NIBAN3: variants seen among roughly 807,000 people sequenced by gnomAD.
NIBAN3 encodes niban apoptosis regulator 3.
NIBAN3 carries 66 observed loss-of-function variants against 76.4 expected under a neutral mutation model. The ratio of observed to expected loss-of-function variants is 0.86; its 90% CI spans 0.71 to 1.06. The LOEUF (loss-of-function observed/expected upper bound fraction) is 1.06. NIBAN3 is among the 50% of genes least tolerant of loss of function. The probability of loss-of-function intolerance (pLI) is 0.00; values close to 1 mark genes in which losing one functional copy is unlikely to be tolerated. For missense variants in NIBAN3, 808 were observed against 810.7 expected, an observed-to-expected ratio of 1.00 and a Z score of 0.04; for synonymous variants, 360 against 355.2, an observed-to-expected ratio of 1.01 and a Z score of -0.15.
At chr19:17,537,885 G>A (rs2075853721) in intron 5 of NIBAN3, among the ~76,000 whole-genome samples, 1 of 151,722 alleles carries the variant, frequency 6.6e-6, no homozygotes, top group African/African-American at 2.4e-5. Context: ...GGTGGAGGTT[G>A]CAGTGAGCCA....
intron 14 of NIBAN3, among the ~76,000 whole-genome samples, chr19:17,551,308 T>C (rs963993254): frequency 1.3e-5 from 2 of 151,510 alleles, no homozygotes; most frequent in African/African-American, 4.9e-5. Flanking sequence ...TCGGCCAGGC[T>C]GATTTTGAAC....
chr19:17,547,119 G>A (rs978501799), intron 13 of NIBAN3, among the ~76,000 whole-genome samples: 1 of 151,876 alleles, frequency 6.6e-6, no homozygotes, highest in Admixed American at 6.6e-5. Context: ...TTGGAAGGCT[G>A]AGGTGGGCAG....
intron 13 of NIBAN3, among the ~76,000 whole-genome samples, chr19:17,547,425 G>T (rs1377846327): frequency 8.5e-6 from 1 of 117,324 alleles, no homozygotes; most frequent in Admixed American, 1.1e-4. Context: ...AACGATCTTG[G>T]CTCACTGCAA....
Position 17,533,705 on chromosome 19 carries a change from A to G in NIBAN3, c.427+4A>G. 1 of 1,609,264 alleles carries G rather than the reference A, an allele frequency of 6.2e-7. No homozygotes were observed. Among genetic ancestry groups the G allele is most frequent in the Non-Finnish European group, 8.5e-7 (1 of 1,176,086 alleles). On this transcript the variant is annotated splice_donor_region_variant and intron_variant, in intron 4 of 14. Coordinates refer to ENST00000599164, the MANE Select transcript of NIBAN3 (RefSeq NM_001321827.2). Reference sequence around the variant, plus strand: ...GCTCTCTGCCCTGAATCCTTGGGTAAGGGTCCCGGGGTTCCCAGGAACAGG... The same window carrying G: ...GCTCTCTGCCCTGAATCCTTGGGTAGGGGTCCCGGGGTTCCCAGGAACAGG...
intron 14 of NIBAN3, among the ~76,000 whole-genome samples, chr19:17,550,447 G>C (rs1055225282): frequency 2.6e-5 from 4 of 152,082 alleles, no homozygotes; most frequent in African/African-American, 9.7e-5. Flanking sequence ...TAGGTGGATT[G>C]CTTGAGCCTG....
chr19:17,526,045 C>T (rs1469463486), upstream of NIBAN3, among the ~76,000 whole-genome samples: 2 of 149,536 alleles, frequency 1.3e-5, no homozygotes, highest in Admixed American at 6.7e-5. Flanking sequence ...CAGAGTGAGA[C>T]ACCGTTTAAA....
At chr19:17,546,961 G>T (rs2076066909) in intron 13 of NIBAN3, among the ~76,000 whole-genome samples, 164 bp downstream of exon 13, 1 of 152,194 alleles carries the variant, frequency 6.6e-6, no homozygotes, top group South Asian at 2.1e-4. Flanking sequence ...GCTCAGAGGG[G>T]CAGGGATGGA....
Position 17,539,167 on chromosome 19 carries a change from G to C in NIBAN3, c.613G>C (p.Ala205Pro). The C allele has an allele frequency of 6.3e-7, 1 of 1,596,516 alleles. No individual in the cohort carries two copies. Residue 205 changes from alanine to proline, a missense_variant, in exon 6 of 15, where the codon GCC becomes CCC. Physicochemically the swap from Ala to Pro is conservative, Grantham distance 27. Coordinates refer to ENST00000599164, the MANE Select transcript of NIBAN3 (RefSeq NM_001321827.2). ...LQGIVLQRSQ[A>P]PAARAFLDAV... Reference sequence around the variant, plus strand: ...CCTCTCAGTCCTGCAGCGAAGCCAGGCCCCTGCTGCCCGGGCCTTCCTGGA... The same window carrying C: ...CCTCTCAGTCCTGCAGCGAAGCCAGCCCCCTGCTGCCCGGGCCTTCCTGGA...
rs2075903724 is a variant in NIBAN3, at chr19:17,539,731, G to A, written c.945G>A (p.Leu315=). 1.3e-6 allele frequency: 2 copies of A among 1,541,150 alleles called. No individual in the cohort carries two copies. The highest frequency in any genetic ancestry group is 2.7e-5 in the African/African-American group (2 of 73,210). The change falls in exon 8 of 15, where the codon CTG becomes CTA. Residue 315 remains leucine (L), a synonymous_variant. Coordinates refer to ENST00000599164, the MANE Select transcript of NIBAN3 (RefSeq NM_001321827.2). ...TCCGCCCGGACGTGGACCAGCTGCT[G>A]CGGCAGCGGGCGCGTGTGGCGGGGC... ...KTIRPDVDQL[L]RQRARVAGRL...
In NIBAN3 at chr19:17,542,351, C is replaced by T. The variant is rs908129439; in HGVS notation, c.1329+57C>T. ...GGCTGTGAAGACAGCCTCCACTGAC[C>T]TCCTGCTAAGTGTGCCCTGGAGAGA... On this transcript the variant is annotated intron_variant, in intron 10 of 14. Coordinates refer to ENST00000599164, the MANE Select transcript of NIBAN3 (RefSeq NM_001321827.2). The surrounding 1 kb of genome is among the most constrained non-coding windows in gnomAD (Gnocchi z 4.8). The T allele has an allele frequency of 4.6e-6, 7 of 1,526,298 alleles. No individual in the cohort carries two copies. Among genetic ancestry groups the T allele is most frequent in the East Asian group, 2.3e-5 (1 of 44,332 alleles). The allele number at this position is 1,526,298 out of a possible 1,614,324, so 94.5% of individuals were successfully genotyped here.
intron 5 of NIBAN3, among the ~76,000 whole-genome samples, chr19:17,538,750 A>G (rs8109021): frequency 1.3e-5 from 1 of 75,048 alleles, no homozygotes; most frequent in Admixed American, 1.9e-4. Flanking sequence ...AAGAAAGAGA[A>G]AGAAAGAAAG....
upstream of NIBAN3, among the ~76,000 whole-genome samples, chr19:17,525,818 C>T (rs539259177): frequency 1.3e-5 from 2 of 151,936 alleles, no homozygotes; most frequent in South Asian, 4.2e-4. Context: ...GGGACACCTT[C>T]GCTGGGTGAC....
rs1307812356 is a variant in NIBAN3 at position 17,537,540 on chromosome 19, A to T, written c.592A>T (p.Ile198Leu). Residue 198 changes from isoleucine to leucine, a missense_variant, in exon 5 of 15, where the codon ATA becomes TTA. Physicochemically the swap from Ile to Leu is conservative, Grantham distance 5. Transcript: ENST00000599164. The stretch of plus-strand genomic sequence containing the variant: ...GCAGGGTGGCATCCGGCTTCAGGGC[A>T]TAGGTGGGTCTCAGGACGGGTCAGA... Reference protein sequence around the residue: ...ALQGGIRLQGIVLQRSQAPAA... With the variant: ...ALQGGIRLQGLVLQRSQAPAA... 6.3e-6 allele frequency: 10 copies of T among 1,593,882 alleles called. No homozygotes were observed. The East Asian group carries it at 2.2e-4, about 36-fold the overall frequency.
At chr19:17,550,978 C>T (rs944525127) in intron 14 of NIBAN3, among the ~76,000 whole-genome samples, 1 of 151,492 alleles carries the variant, frequency 6.6e-6, no homozygotes, top group Non-Finnish European at 1.5e-5. Flanking sequence ...CACTGGTGCC[C>T]CTCACCTTTG....
At chr19:17,539,511 C>A (rs2075898018) in intron 7 of NIBAN3, 60 bp downstream of exon 7, 4 of 1,460,130 alleles carry the variant, frequency 2.7e-6, no homozygotes, top group African/African-American at 1.4e-5. Flanking sequence ...GGTTCCCCTC[C>A]CACGACTGTC....
chr19:17,529,143 C>T (rs1241174258), intron 1 of NIBAN3, among the ~76,000 whole-genome samples: 1 of 152,202 alleles, frequency 6.6e-6, no homozygotes, highest in Non-Finnish European at 1.5e-5. Flanking sequence ...AGTGACTTCA[C>T]CTCCCTGGGC....
upstream of NIBAN3, among the ~76,000 whole-genome samples, chr19:17,523,952 G>A (rs2075581591): frequency 6.6e-6 from 1 of 152,228 alleles, no homozygotes; most frequent in Non-Finnish European, 1.5e-5. Flanking sequence ...GCAGTGGTGT[G>A]ATCTCAGCTC....
chr19:17,531,415 G>A (rs533232718), intron 2 of NIBAN3, among the ~76,000 whole-genome samples: 1 of 151,706 alleles, frequency 6.6e-6, no homozygotes, highest in Non-Finnish European at 1.5e-5. Context: ...TCATGGGCTG[G>A]GCATGAGGAC....
intron 9 of NIBAN3, among the ~76,000 whole-genome samples, chr19:17,541,546 G>A (rs2075952426): frequency 6.6e-6 from 1 of 152,132 alleles, no homozygotes; most frequent in African/African-American, 2.4e-5. Flanking sequence ...ATCTGGGCCA[G>A]GAAATGTGCT....
Sources: allele counts gnomAD v4.1 joint callset (sites outside exome capture counted in the v4.1 genomes callset), GRCh38; gene constraint gnomAD v4.1.1; non-coding constraint Gnocchi (gnomAD v3.1); transcripts MANE v1.5; gene names NCBI Gene and HGNC (gene_info 2026-07-23, HGNC 2026-07-21).